Variants in PCDH15 observed in about 807,000 individuals in gnomAD.
PCDH15 encodes the protein protocadherin-15.
PCDH15 carries 129 observed loss-of-function variants against 178.5 expected under a neutral mutation model. The ratio of observed to expected loss-of-function variants is 0.72; its 90% confidence interval spans 0.63 to 0.84. The LOEUF (loss-of-function observed/expected upper bound fraction) is 0.84, where lower values mean the gene tolerates loss of function less well. PCDH15 is among the 40% of genes least tolerant of loss of function. PCDH15 has a pLI of 0.00. For missense variants in PCDH15, 2,230 were observed against 2,099.9 expected (o/e 1.06, Z -1.21); for synonymous variants, 800 against 732.0 (o/e 1.09, Z -1.50).
chr10:54,066,140 C>G (rs144587395), intron 18 of PCDH15, among the ~76,000 whole-genome samples: 3 of 152,140 alleles, frequency 2.0e-5, no homozygotes, highest in Non-Finnish European at 4.4e-5. Flanking sequence ...TTCTTTGTGA[C>G]TTCTAGACCA....
intron 5 of PCDH15, among the ~76,000 whole-genome samples, chr10:54,362,887 T>C (rs1187618952): frequency 6.6e-6 from 1 of 152,122 alleles, no homozygotes. Flanking sequence ...GTGTTTTTTG[T>C]TGTTCTTGTC....
intron 1 of PCDH15, among the ~76,000 whole-genome samples, chr10:54,716,702 T>G (rs2095483753): frequency 1.3e-5 from 2 of 152,034 alleles, no homozygotes; most frequent in Admixed American, 6.6e-5. Context: ...AATCATAGAT[T>G]CAATGCCATC....
intron 3 of PCDH15, among the ~76,000 whole-genome samples, chr10:54,834,515 C>A (rs189400916): frequency 8.0e-4 from 120 of 150,502 alleles, no homozygotes; most frequent in African/African-American, 2.9e-3. Context: ...TAATAATTTG[C>A]AAAACTCACA....
intron 2 of PCDH15, among the ~76,000 whole-genome samples, chr10:54,570,514 G>T (rs2089661499): frequency 6.6e-6 from 1 of 151,940 alleles, no homozygotes; most frequent in African/African-American, 2.4e-5. Flanking sequence ...TTTAGATTTT[G>T]ATAAACTATT....
At chr10:55,164,107 T>A (rs1283454604) in intron 2 of PCDH15, among the ~76,000 whole-genome samples, 1 of 152,160 alleles carries the variant, frequency 6.6e-6, no homozygotes, top group Non-Finnish European at 1.5e-5. Flanking sequence ...CAGTAGAGCC[T>A]ACTATGGCTG....
intron 8 of PCDH15, among the ~76,000 whole-genome samples, chr10:54,282,332 A>G (rs1290456317): frequency 4.0e-5 from 6 of 151,872 alleles, no homozygotes; most frequent in Non-Finnish European, 1.5e-5. Flanking sequence ...AGAGAAAAAG[A>G]GAGAGAGAGA....
intron 2 of PCDH15, among the ~76,000 whole-genome samples, chr10:54,976,135 T>C (rs1017178217): frequency 1.3e-5 from 2 of 152,158 alleles, no homozygotes; most frequent in African/African-American, 4.8e-5. Flanking sequence ...GTTCACTAAA[T>C]TACTAATATT....
intron 33 of PCDH15, among the ~76,000 whole-genome samples, chr10:53,818,943 C>G (rs2076158217): frequency 6.6e-6 from 1 of 151,870 alleles, no homozygotes; most frequent in South Asian, 2.1e-4. Context: ...CAGAAAGCAT[C>G]TTGTATGGTT....
At chr10:53,995,406 T>C (rs2091779895) in intron 21 of PCDH15, 1 of 563,442 alleles carries the variant, frequency 1.8e-6, no homozygotes, top group Non-Finnish European at 3.1e-6. Context: ...TTAGATAAAT[T>C]AGTAATTAGT....
intron 1 of PCDH15, among the ~76,000 whole-genome samples, chr10:54,693,824 T>G (rs956252839): frequency 4.6e-5 from 7 of 152,168 alleles, no homozygotes; most frequent in African/African-American, 1.7e-4. Context: ...CACACTTCAG[T>G]GATTGCCAAT....
intron 1 of PCDH15, among the ~76,000 whole-genome samples, chr10:54,682,405 C>A (rs2094916974): frequency 6.6e-6 from 1 of 152,126 alleles, no homozygotes; most frequent in Non-Finnish European, 1.5e-5. Context: ...TCTTGGAACA[C>A]TGGCATAAAC....
intron 34 of PCDH15, 77 bp downstream of exon 34, chr10:53,817,918 A>G (rs2076124236): frequency 2.5e-6 from 1 of 398,318 alleles, no homozygotes; most frequent in Non-Finnish European, 4.4e-6. Context: ...GTTCAAAAGA[A>G]TGTACATTAG....
At chr10:53,880,661 T>G (rs901768074) in intron 26 of PCDH15, among the ~76,000 whole-genome samples, 5 of 152,166 alleles carry the variant, frequency 3.3e-5, no homozygotes, top group African/African-American at 1.2e-4. Flanking sequence ...CAAATATAAT[T>G]CAATTTATAA....
intron 2 of PCDH15, among the ~76,000 whole-genome samples, chr10:55,052,748 G>A (rs1841198843): frequency 6.6e-6 from 1 of 151,754 alleles, no homozygotes; most frequent in Non-Finnish European, 1.5e-5. Context: ...ATAAGCATAT[G>A]AAAGTACATT....
chr10:53,982,343 T>C (rs1347557408), intron 21 of PCDH15, among the ~76,000 whole-genome samples: 1 of 152,086 alleles, frequency 6.6e-6, no homozygotes, highest in Non-Finnish European at 1.5e-5. Context: ...GAATTATAAA[T>C]CATTCTGCTA....
chr10:54,073,607 G>T (rs1480203123), intron 17 of PCDH15, among the ~76,000 whole-genome samples: 2 of 152,100 alleles, frequency 1.3e-5, no homozygotes, highest in African/African-American at 2.4e-5. Flanking sequence ...CTGAAATTGT[G>T]AAATATTACA....
chr10:54,934,157 A>T (rs1837848425), intron 2 of PCDH15, among the ~76,000 whole-genome samples: 1 of 152,062 alleles, frequency 6.6e-6, no homozygotes, highest in South Asian at 2.1e-4. Flanking sequence ...AGTGTTTAAT[A>T]ATTTGTGGGA....
intron 2 of PCDH15, among the ~76,000 whole-genome samples, chr10:55,447,407 A>G (rs1330469001): frequency 1.3e-5 from 2 of 152,072 alleles, no homozygotes; most frequent in East Asian, 3.9e-4. Flanking sequence ...AGAACGTTTA[A>G]GTCCCAGGGA....
chr10:54,833,426 A>G (rs1311970641), intron 3 of PCDH15, among the ~76,000 whole-genome samples: 1 of 152,204 alleles, frequency 6.6e-6, no homozygotes, highest in Non-Finnish European at 1.5e-5. Context: ...CCTCCATGGC[A>G]TGGATTCAAA....
Sources: allele counts gnomAD v4.1 joint callset (sites outside exome capture counted in the v4.1 genomes callset), GRCh38; gene constraint gnomAD v4.1.1; transcripts MANE v1.5; gene names NCBI Gene and HGNC (gene_info 2026-07-23, HGNC 2026-07-21).